PDE1C: variants seen among roughly 807,000 people sequenced by gnomAD.
The protein encoded by PDE1C is phosphodiesterase 1C, also known as dual specificity calcium/calmodulin-dependent 3',5'-cyclic nucleotide phosphodiesterase 1C.
Under a neutral mutation model 93.1 loss-of-function variants are expected in PDE1C, and 62 were observed. That is an observed-to-expected ratio of 0.67 (90% CI 0.54 to 0.82). PDE1C has a LOEUF of 0.82. Ranked by LOEUF, PDE1C falls within the 40% of genes least tolerant of loss-of-function variation. The probability of loss-of-function intolerance (pLI) is 0.00; values close to 1 mark genes in which losing one functional copy is unlikely to be tolerated. For synonymous variants in PDE1C, 325 were observed against 310.1 expected (o/e 1.05, Z -0.50); for missense variants, 742 against 884.6 (o/e 0.84, Z 2.04).
intron 2 of PDE1C, among the ~76,000 whole-genome samples, chr7:31,902,520 A>G (rs1330107282): frequency 2.0e-5 from 3 of 151,830 alleles, no homozygotes; most frequent in Non-Finnish European, 4.4e-5. Context: ...TATTTGCCAG[A>G]AACTTGAAAA....
chr7:31,854,845 T>C (rs1793794699), intron 7 of PDE1C, among the ~76,000 whole-genome samples: 1 of 152,100 alleles, frequency 6.6e-6, no homozygotes, highest in East Asian at 1.9e-4. Context: ...GGTGGGTGGA[T>C]CACCTGAGGT....
chr7:31,651,399 T>G, the PDE1C span: 2 of 1,100,828 alleles, frequency 1.8e-6, no homozygotes, highest in South Asian at 4.2e-5. Context: ...TTCCTTTGCT[T>G]TCTTGGTCTT....
At chr7:32,112,842 GTGTGTATATATA>G (rs1464631219) in intron 3 of PDE1C, among the ~76,000 whole-genome samples, 2 of 50,668 alleles carry the variant, frequency 3.9e-5, no homozygotes, top group African/African-American at 9.5e-5. Context: ...GTGTGTGTGT[GTGTGTATATATA>G]TATATATATA....
At chr7:32,389,727 G>C (rs1784716895) in intron 1 of PDE1C, among the ~76,000 whole-genome samples, 1 of 152,174 alleles carries the variant, frequency 6.6e-6, no homozygotes, top group Admixed American at 6.5e-5. Flanking sequence ...AATAGCATCT[G>C]TTAAGTAATG....
At chr7:31,887,116 C>A (rs1212313581) in intron 2 of PDE1C, among the ~76,000 whole-genome samples, 2 of 152,118 alleles carry the variant, frequency 1.3e-5, no homozygotes, top group Non-Finnish European at 1.5e-5. Flanking sequence ...TGTAATCAGG[C>A]TGGTCTGATA....
At chr7:31,890,166 T>C (rs1424116522) in intron 2 of PDE1C, among the ~76,000 whole-genome samples, 1 of 152,118 alleles carries the variant, frequency 6.6e-6, no homozygotes, top group Non-Finnish European at 1.5e-5. Flanking sequence ...AGAGCATCAT[T>C]CAGAATCCAC....
chr7:32,103,249 A>G (rs557291473), intron 3 of PDE1C, among the ~76,000 whole-genome samples: 14 of 152,328 alleles, frequency 9.2e-5, no homozygotes, highest in Non-Finnish European at 5.9e-5. Context: ...AAATATGGCT[A>G]TTCTACCAGA....
chr7:32,090,443 C>T (rs548078643), intron 3 of PDE1C, among the ~76,000 whole-genome samples: 22 of 152,308 alleles, frequency 1.4e-4, no homozygotes, highest in African/African-American at 5.1e-4. Context: ...AAGGCAATGA[C>T]CTTGACATGC....
In PDE1C at chr7:32,020,407, T is replaced by C. The variant is rs892834695; in HGVS notation, c.128+31147A>G. Among the ~76,000 whole-genome samples, 3 of 151,792 alleles carry C rather than the reference T, an allele frequency of 2.0e-5. No individual in the cohort carries two copies. In the East Asian group the frequency reaches 5.8e-4, roughly 29 times the overall value. On this transcript the variant is annotated intron_variant, in intron 2 of 17. Coordinates refer to ENST00000396191, the MANE Select transcript of PDE1C (RefSeq NM_001191057.4). ...CTCCTTTTTGGTGAGAAAAAAAAAT[T>C]TTTTTAAGGGAAATTAATTTTATAA...
intron 3 of PDE1C, among the ~76,000 whole-genome samples, chr7:32,131,781 A>C (rs1799931955): frequency 6.6e-6 from 1 of 152,030 alleles, no homozygotes; most frequent in Non-Finnish European, 1.5e-5. Context: ...TTCATTTAAC[A>C]CCTCTTTATT....
intron 1 of PDE1C, among the ~76,000 whole-genome samples, chr7:32,218,186 G>A (rs146253201): frequency 2.6e-5 from 4 of 152,228 alleles, no homozygotes; most frequent in African/African-American, 9.6e-5. Flanking sequence ...TTGTGCCCCA[G>A]AGCCATAAAA....
At chr7:31,722,428 T>C in the PDE1C span, among the ~76,000 whole-genome samples, 2 of 152,174 alleles carry the variant, frequency 1.3e-5, no homozygotes, top group African/African-American at 4.8e-5. Flanking sequence ...GTGGTAAAAA[T>C]GTAGACAAGG....
the PDE1C span, among the ~76,000 whole-genome samples, chr7:31,714,845 G>A: frequency 3.9e-4 from 60 of 152,250 alleles, no homozygotes; most frequent in Middle Eastern, 6.8e-3. Flanking sequence ...CCCACAACAC[G>A]TTGGAATTCA....
At chr7:32,420,898 CA>C (rs1003653676) in intron 1 of PDE1C, among the ~76,000 whole-genome samples, 10 of 151,950 alleles carry the variant, frequency 6.6e-5, no homozygotes, top group Non-Finnish European at 1.3e-4. Flanking sequence ...AGCCATTCCA[CA>C]AAAATCAAAT....
rs56394903 is a variant in PDE1C, at chr7:31,930,848, C to CAAAAAAAAAAAAAA, written c.129-50002_129-49989dup. The stretch of plus-strand genomic sequence containing the variant: ...TGGGCAACAGAGCAAGACTCTGTCT[C>CAAAAAAAAAAAAAA]AAAAAAAAAAAAAAAAAAAAAAAAA... On this transcript the variant is annotated intron_variant, in intron 2 of 17. Transcript: ENST00000396191. 4.0e-4 allele frequency among the ~76,000 whole-genome samples: 13 copies of CAAAAAAAAAAAAAA among 32,642 alleles called. 1 individual carries two copies. The highest frequency in any genetic ancestry group is 1.0e-3 in the African/African-American group (6 of 5,882). 21.4% of individuals were successfully genotyped at this position (32,642 alleles called of 152,430 possible). A position where few individuals can be genotyped will look rare whatever the true frequency, so the allele number is the denominator to read the frequency against.
chr7:31,656,838 T>C, the PDE1C span, among the ~76,000 whole-genome samples: 3 of 151,846 alleles, frequency 2.0e-5, no homozygotes, highest in Non-Finnish European at 4.4e-5. Context: ...TTTACTCTCC[T>C]AATTCTCCAA....
intron 3 of PDE1C, among the ~76,000 whole-genome samples, chr7:32,167,411 A>G (rs891002518): frequency 2.0e-5 from 3 of 152,316 alleles, no homozygotes; most frequent in East Asian, 1.9e-4. Context: ...TGCTGAGGCC[A>G]AGTATCAGGA....
chr7:32,232,568 T>G (rs1420841055), intron 1 of PDE1C, among the ~76,000 whole-genome samples: 2 of 152,136 alleles, frequency 1.3e-5, no homozygotes, highest in Non-Finnish European at 2.9e-5. Context: ...AGCTTTCTGG[T>G]CAGAGGTCTA....
the PDE1C span, among the ~76,000 whole-genome samples, chr7:31,743,013 T>C: frequency 1.3e-5 from 2 of 152,054 alleles, no homozygotes; most frequent in African/African-American, 4.8e-5. Flanking sequence ...ATCTACTATC[T>C]CTCTATTTCC....
Sources: gnomAD v4.1 joint callset for allele counts (sites outside exome capture counted in the v4.1 genomes callset) on GRCh38, gnomAD v4.1.1 for gene constraint, MANE v1.5 for transcripts, NCBI Gene and HGNC (gene_info 2026-07-23, HGNC 2026-07-21) for gene names.